NR1I2: variants seen among roughly 807,000 people sequenced by gnomAD.
NR1I2 encodes the protein nuclear receptor subfamily 1 group I member 2.
Under a neutral mutation model 43.3 loss-of-function variants are expected in NR1I2, and 42 were observed. The ratio of observed to expected loss-of-function variants is 0.97; its 90% CI spans 0.76 to 1.26. NR1I2 has a LOEUF of 1.26. NR1I2 is among the 50% of genes most tolerant of loss of function. The pLI is 0.00. For missense variants in NR1I2, 559 were observed against 566.7 expected, an observed-to-expected ratio of 0.99 and a Z score of 0.14; for synonymous variants, 229 against 215.0, an observed-to-expected ratio of 1.06 and a Z score of -0.57.
rs770523304 is a variant in NR1I2 at position 119,811,690 on chromosome 3, C to T, written c.483C>T (p.Thr161=). 6.2e-7 allele frequency: 1 copy of T among 1,613,204 alleles called. No homozygotes were observed. The highest frequency in any genetic ancestry group is 2.2e-5 in the East Asian group (1 of 44,866). Residue 161 remains threonine (T), a synonymous_variant, in exon 4 of 9, where the codon ACC becomes ACT. Coordinates refer to ENST00000393716, the MANE Select transcript of NR1I2 (RefSeq NM_003889.4). ...AGCTGATGGACGCTCAGATGAAAAC[C>T]TTTGACACTACCTTCTCCCATTTCA...
In NR1I2 at chr3:119,817,716, C is replaced by A; in HGVS notation, c.*504C>A. 1 of 1,060,738 alleles carries A rather than the reference C, an allele frequency of 9.4e-7. No individual in the cohort carries two copies. The highest frequency in any genetic ancestry group is 3.2e-5 in the South Asian group (1 of 30,876). 65.7% of individuals were successfully genotyped at this position (1,060,738 alleles called of 1,614,324 possible). ...TCCGAGCTGCTTTGTGGGCTCCAGG[C>A]CTGTACTCATCGGCAGGCGCATGAG... On this transcript the variant is annotated 3_prime_UTR_variant, in exon 9 of 9. Coordinates refer to ENST00000393716, the MANE Select transcript of NR1I2 (RefSeq NM_003889.4).
chr3:119,786,803 T>C (rs1005285871), intron 1 of NR1I2, among the ~76,000 whole-genome samples: 12 of 152,208 alleles, frequency 7.9e-5, no homozygotes, highest in African/African-American at 2.9e-4. Context: ...ACCGTGACTT[T>C]GGCTATCTGA....
At chr3:119,806,048 C>T (rs1233867053) in intron 1 of NR1I2, among the ~76,000 whole-genome samples, 5 of 152,128 alleles carry the variant, frequency 3.3e-5, no homozygotes, top group African/African-American at 1.2e-4. Context: ...ATGTTGGAAA[C>T]AGAAATTTAT....
intron 1 of NR1I2, among the ~76,000 whole-genome samples, chr3:119,799,975 CAA>C: frequency 7.3e-6 from 1 of 136,520 alleles, no homozygotes; most frequent in African/African-American, 2.5e-5. Context: ...AACAAACAAA[CAA>C]ACAAACAAAC....
intron 1 of NR1I2, among the ~76,000 whole-genome samples, chr3:119,788,509 C>T (rs1368626641): frequency 6.6e-6 from 1 of 152,168 alleles, no homozygotes; most frequent in Non-Finnish European, 1.5e-5. Context: ...ACAATCATGG[C>T]TCACTGTAGC....
At chr3:119,793,943 ATTTCT>A (rs1316240828) in intron 1 of NR1I2, among the ~76,000 whole-genome samples, 35 of 152,010 alleles carry the variant, frequency 2.3e-4, no homozygotes, top group East Asian at 1.4e-3. Context: ...ATTTGTTGTG[ATTTCT>A]TTTCTCATTC....
intron 1 of NR1I2, among the ~76,000 whole-genome samples, chr3:119,796,453 C>T (rs1285864876): frequency 6.6e-6 from 1 of 152,188 alleles, no homozygotes; most frequent in East Asian, 1.9e-4. Flanking sequence ...AATGCTGCTT[C>T]GCATCCCTTC....
chr3:119,812,665 A>G (rs767277323), intron 4 of NR1I2, 21 bp from the exon 5 acceptor site: 3 of 1,612,864 alleles, frequency 1.9e-6, no homozygotes, highest in Admixed American at 3.3e-5. Context: ...TCCTCTGTCC[A>G]CCTCCTGGCA....
intron 2 of NR1I2, among the ~76,000 whole-genome samples, chr3:119,809,733 G>T (rs2055210659): frequency 1.3e-5 from 2 of 152,218 alleles, no homozygotes; most frequent in Non-Finnish European, 1.5e-5. Flanking sequence ...AGGAAGAAGG[G>T]AAGGCGCTGA....
At chr3:119,797,115 T>C (rs1433609931) in intron 1 of NR1I2, among the ~76,000 whole-genome samples, 1 of 151,970 alleles carries the variant, frequency 6.6e-6, no homozygotes, top group African/African-American at 2.4e-5. Context: ...GTGTCATTCA[T>C]GGAAGACCTC....
At chr3:119,808,914 G>C (rs1468311827) in intron 2 of NR1I2, among the ~76,000 whole-genome samples, 1 of 152,214 alleles carries the variant, frequency 6.6e-6, no homozygotes, top group African/African-American at 2.4e-5. Context: ...AGTGGACTTT[G>C]ATGTAGCATC....
intron 1 of NR1I2, among the ~76,000 whole-genome samples, chr3:119,797,746 A>C (rs2055021192): frequency 6.6e-6 from 1 of 152,136 alleles, no homozygotes; most frequent in South Asian, 2.1e-4. Flanking sequence ...CATGCTCCCC[A>C]CTGGCTTTTG....
chr3:119,816,820 C>A (rs1178925261), intron 8 of NR1I2, among the ~76,000 whole-genome samples: 2 of 121,926 alleles, frequency 1.6e-5, no homozygotes, highest in Non-Finnish European at 3.3e-5. Flanking sequence ...GATCCTGTCC[C>A]TTTAAAGAAA....
chr3:119,807,115 C>T, intron 1 of NR1I2, 114 bp from the exon 2 acceptor site: 1 of 919,574 alleles, frequency 1.1e-6, no homozygotes, highest in Non-Finnish European at 1.7e-6. Context: ...AGGTCAGCTC[C>T]CGAGTTCACA....
At chr3:119,788,341 T>C (rs1458256313) in intron 1 of NR1I2, among the ~76,000 whole-genome samples, 8 of 151,766 alleles carry the variant, frequency 5.3e-5, no homozygotes, top group Non-Finnish European at 1.0e-4. Flanking sequence ...TCATCTGAAA[T>C]TCCTGGCCTC....
intron 1 of NR1I2, among the ~76,000 whole-genome samples, chr3:119,805,419 G>A (rs552470044): frequency 2.0e-5 from 3 of 152,160 alleles, no homozygotes; most frequent in African/African-American, 7.2e-5. Flanking sequence ...GGCCAGACGC[G>A]GTGGCTCACG....
chr3:119,808,009 G>A (rs1214163887), intron 2 of NR1I2, among the ~76,000 whole-genome samples: 1 of 152,178 alleles, frequency 6.6e-6, no homozygotes, highest in Non-Finnish European at 1.5e-5. Flanking sequence ...TCTTCGTGGT[G>A]GCTGGGCATT....
At chr3:119,791,102 T>G (rs1577269997) in intron 1 of NR1I2, among the ~76,000 whole-genome samples, 1 of 152,250 alleles carries the variant, frequency 6.6e-6, no homozygotes, top group African/African-American at 2.4e-5. Context: ...GGCAGCCCCC[T>G]GGGCAGCAGT....
intron 1 of NR1I2, among the ~76,000 whole-genome samples, chr3:119,803,197 T>C (rs1362582025): frequency 6.7e-6 from 1 of 149,800 alleles, no homozygotes; most frequent in African/African-American, 2.5e-5. Flanking sequence ...AGTAGCTGGG[T>C]ATGGTGGCAT....
Sources: gnomAD v4.1 joint callset for allele counts (sites outside exome capture counted in the v4.1 genomes callset) on GRCh38, gnomAD v4.1.1 for gene constraint, MANE v1.5 for transcripts, NCBI Gene and HGNC (gene_info 2026-07-23, HGNC 2026-07-21) for gene names.